CRADD: variants seen among roughly 807,000 people sequenced by gnomAD.
CRADD encodes CARD and death domain containing adaptor protein.
A neutral mutation model predicts 15.5 loss-of-function variants in CRADD; 9 were observed. The observed-to-expected ratio is 0.58, with a 90% CI of 0.35 to 1.01. CRADD has a LOEUF of 1.01. Among genes scored for constraint, CRADD ranks in the 50% least tolerant of loss-of-function variants. The pLI is 0.02. For synonymous variants in CRADD, 118 were observed against 107.6 expected, an observed-to-expected ratio of 1.10 and a Z score of -0.60; for missense variants, 227 against 250.3, an observed-to-expected ratio of 0.91 and a Z score of 0.63.
chr12:93,749,505 C>G (rs1284445631), intron 2 of CRADD, among the ~76,000 whole-genome samples: 1 of 152,220 alleles, frequency 6.6e-6, no homozygotes, highest in Non-Finnish European at 1.5e-5. Flanking sequence ...ATATTAAAAA[C>G]TGGCAGAGTG....
rs563054871 is a variant in CRADD, at chr12:93,784,347, G to A, written c.299-65623G>A. Among the ~76,000 whole-genome samples, 3 of 152,226 alleles carry A rather than the reference G, an allele frequency of 2.0e-5. No individual in the cohort carries two copies. In the East Asian group the frequency reaches 5.8e-4, roughly 29 times the overall value. On this transcript the variant is annotated intron_variant, in intron 2 of 2. Transcript: ENST00000332896. Reference sequence around the variant, plus strand: ...CTAAGTCTTTTGAATATCTAATCATGTTTAACTCTCAATGTCCCATTTTAT... The same window carrying A: ...CTAAGTCTTTTGAATATCTAATCATATTTAACTCTCAATGTCCCATTTTAT...
intron 2 of CRADD, among the ~76,000 whole-genome samples, chr12:93,793,393 A>G (rs1957374065): frequency 6.6e-6 from 1 of 152,220 alleles, no homozygotes; most frequent in South Asian, 2.1e-4. Flanking sequence ...TAAAAATGGA[A>G]GGACCTGTGC....
At chr12:93,735,981 C>T (rs1174721335) in intron 2 of CRADD, among the ~76,000 whole-genome samples, 1 of 151,730 alleles carries the variant, frequency 6.6e-6, no homozygotes, top group African/African-American at 2.4e-5. Context: ...CCCTTGAACC[C>T]TGGAGGCGGA....
At chr12:93,679,795 G>A (rs1955241137) in intron 2 of CRADD, among the ~76,000 whole-genome samples, 3 of 152,184 alleles carry the variant, frequency 2.0e-5, no homozygotes. Flanking sequence ...AGGTGCCAGA[G>A]CTACCAGCTG....
At chr12:93,748,585 G>A (rs1183117573) in intron 2 of CRADD, among the ~76,000 whole-genome samples, 1 of 152,194 alleles carries the variant, frequency 6.6e-6, no homozygotes, top group East Asian at 1.9e-4. Flanking sequence ...GGGATTACAG[G>A]CATGACCCAC....
At chr12:93,868,383 A>C (rs1183297159) in intron 2 of CRADD, among the ~76,000 whole-genome samples, 1 of 152,212 alleles carries the variant, frequency 6.6e-6, no homozygotes, top group African/African-American at 2.4e-5. Flanking sequence ...AAAGAGACCT[A>C]ATTCATAACC....
At chr12:93,733,839 C>T (rs1306513148) in intron 2 of CRADD, among the ~76,000 whole-genome samples, 3 of 151,424 alleles carry the variant, frequency 2.0e-5, no homozygotes, top group Non-Finnish European at 2.9e-5. Context: ...TAGGCTCAAT[C>T]GATCCTACAC....
At chr12:93,717,917 C>T (rs1956190537) in intron 2 of CRADD, among the ~76,000 whole-genome samples, 1 of 152,168 alleles carries the variant, frequency 6.6e-6, no homozygotes, top group Non-Finnish European at 1.5e-5. Context: ...GTTCCAGCAC[C>T]ATTTGTTGAA....
intron 2 of CRADD, among the ~76,000 whole-genome samples, chr12:93,888,463 G>C (rs1040519755): frequency 1.3e-5 from 2 of 152,104 alleles, no homozygotes; most frequent in Admixed American, 6.5e-5. Context: ...AGATAGATGG[G>C]TGGGGGCTCA....
intron 2 of CRADD, among the ~76,000 whole-genome samples, chr12:93,788,092 C>T (rs1957300250): frequency 6.6e-6 from 1 of 152,172 alleles, no homozygotes; most frequent in Non-Finnish European, 1.5e-5. Context: ...CCATCTCTGC[C>T]ATGTCACCTG....
chr12:93,739,637 T>C (rs1956639011), intron 2 of CRADD, among the ~76,000 whole-genome samples: 1 of 152,034 alleles, frequency 6.6e-6, no homozygotes, highest in African/African-American at 2.4e-5. Context: ...ATTTCAAGAA[T>C]TCAGAAAGAC....
intron 2 of CRADD, among the ~76,000 whole-genome samples, chr12:93,844,865 G>A (rs567113391): frequency 1.3e-5 from 2 of 152,174 alleles, no homozygotes; most frequent in Non-Finnish European, 2.9e-5. Context: ...CCCCTCAGAA[G>A]CAGTACTGGA....
intron 2 of CRADD, among the ~76,000 whole-genome samples, chr12:93,784,869 T>A (rs1009482147): frequency 6.6e-6 from 1 of 152,210 alleles, no homozygotes; most frequent in African/African-American, 2.4e-5. Context: ...AACACCACTT[T>A]GGTATAAATA....
intron 2 of CRADD, among the ~76,000 whole-genome samples, chr12:93,832,665 A>G (rs1456984486): frequency 2.0e-5 from 3 of 152,230 alleles, no homozygotes; most frequent in Non-Finnish European, 4.4e-5. Flanking sequence ...TGAAGATGAA[A>G]CTAAAGTTAT....
chr12:93,817,797 C>T (rs1008834296), intron 2 of CRADD, among the ~76,000 whole-genome samples: 1 of 152,176 alleles, frequency 6.6e-6, no homozygotes, highest in African/African-American at 2.4e-5. Flanking sequence ...ACACTCTCCT[C>T]GCACTTGGTC....
At chr12:93,752,761 G>T (rs187224375) in intron 2 of CRADD, among the ~76,000 whole-genome samples, 7 of 152,174 alleles carry the variant, frequency 4.6e-5, no homozygotes, top group Admixed American at 4.6e-4. Flanking sequence ...GAAGGTGAAG[G>T]AAGAGTGTAT....
At chr12:93,885,747 T>C (rs1348315406) in intron 2 of CRADD, among the ~76,000 whole-genome samples, 1 of 152,114 alleles carries the variant, frequency 6.6e-6, no homozygotes, top group Non-Finnish European at 1.5e-5. Flanking sequence ...CTATGAAAGA[T>C]CTCTGTAGGG....
At chr12:93,872,502 C>T (rs1269490248) in intron 2 of CRADD, among the ~76,000 whole-genome samples, 5 of 152,020 alleles carry the variant, frequency 3.3e-5, no homozygotes, top group Admixed American at 1.3e-4. Context: ...TGGAGATTTT[C>T]GCCAATGTTT....
At chr12:93,746,438 G>A (rs1592955707) in intron 2 of CRADD, among the ~76,000 whole-genome samples, 1 of 152,128 alleles carries the variant, frequency 6.6e-6, no homozygotes, top group East Asian at 1.9e-4. Flanking sequence ...CAAGAAGATT[G>A]GCCATTCTTT....
Sources: gnomAD v4.1 joint callset for allele counts (sites outside exome capture counted in the v4.1 genomes callset) on GRCh38, gnomAD v4.1.1 for gene constraint, MANE v1.5 for transcripts, NCBI Gene and HGNC (gene_info 2026-07-23, HGNC 2026-07-21) for gene names.